Variants in GAS7 observed in about 807,000 individuals in gnomAD.
The protein encoded by GAS7 is growth arrest specific 7.
Under a neutral mutation model 71.1 loss-of-function variants are expected in GAS7, and 28 were observed. The ratio of observed to expected loss-of-function variants is 0.39; its 90% confidence interval spans 0.29 to 0.54. The LOEUF (loss-of-function observed/expected upper bound fraction) is 0.54. Ranked by LOEUF, GAS7 falls within the 20% of genes least tolerant of loss-of-function variation. The pLI is 0.62. For synonymous variants in GAS7, 258 were observed against 245.8 expected (o/e 1.05, Z -0.46); for missense variants, 436 against 627.8 (o/e 0.69, Z 3.27).
At chr17:10,045,326 G>A (rs1173534475) in intron 1 of GAS7, among the ~76,000 whole-genome samples, 2 of 152,230 alleles carry the variant, frequency 1.3e-5, no homozygotes, top group Non-Finnish European at 2.9e-5. Context: ...TGAGGTGACT[G>A]CAGCCAGTTT....
chr17:10,040,936 T>C (rs577631049), intron 1 of GAS7, among the ~76,000 whole-genome samples: 29 of 151,880 alleles, frequency 1.9e-4, no homozygotes, highest in African/African-American at 6.8e-4. Flanking sequence ...CCGAGGCAGG[T>C]GGATGACCTG....
chr17:10,144,475 T>A (rs1026845118), intron 1 of GAS7, among the ~76,000 whole-genome samples: 3 of 152,170 alleles, frequency 2.0e-5, no homozygotes, highest in Non-Finnish European at 2.9e-5. Flanking sequence ...TCTCGGCAGA[T>A]CCCCAGTATC....
In GAS7 at chr17:10,103,800, T is replaced by G; in HGVS notation, c.184-83903A>C. Among the ~76,000 whole-genome samples the G allele has an allele frequency of 6.7e-6, 1 of 148,614 alleles. No homozygotes were observed. Among genetic ancestry groups the G allele is most frequent in the Admixed American group, 6.8e-5 (1 of 14,736 alleles). On this transcript the variant is annotated intron_variant, in intron 1 of 13. Coordinates refer to ENST00000432992, the MANE Select transcript of GAS7 (RefSeq NM_201433.2). This position sits in a 1 kb window ranked among gnomAD's most constrained non-coding sequence, Gnocchi z 5.5. ...AAGATCTCACCATTGCACTCCAGCC[T>G]GGGTGACACAGCAAGACTGCATCTC...
rs573950598 is a variant in GAS7 at position 10,115,418 on chromosome 17, C to T, written c.183+82790G>A. ...GAGGGTGGGGGGCAAAGTGTCACCT[C>T]CTCCCCAACTCAGGAAGTGTTGCAA... On this transcript the variant is annotated intron_variant, in intron 1 of 13. Transcript: ENST00000432992. 8.0e-4 allele frequency among the ~76,000 whole-genome samples: 122 copies of T among 152,312 alleles called. 1 individual carries two copies. Among genetic ancestry groups the T allele is most frequent in the Admixed American group, 1.5e-3 (23 of 15,298 alleles).
At chr17:10,031,773 C>CCT (rs769997409) in intron 1 of GAS7, among the ~76,000 whole-genome samples, 77 of 152,364 alleles carry the variant, frequency 5.1e-4, no homozygotes, top group Non-Finnish European at 8.7e-4. Context: ...GATGGCCCGT[C>CCT]CTTTTCGTTG....
rs1420805985 is a variant in GAS7 at position 9,913,396 on chromosome 17, A to C, written c.*3832T>G. 8.6e-6 allele frequency: 2 copies of C among 232,680 alleles called. No individual in the cohort carries two copies. The highest frequency in any genetic ancestry group is 4.4e-5 in the African/African-American group (2 of 45,300). 14.4% of individuals were successfully genotyped at this position (232,680 alleles called of 1,614,324 possible). Reference sequence around the variant, plus strand: ...CCTGCAGCTGGAAGTAAAATCACCTAAACAAGCCAAGGTCGCTGATGTCCT... The same window carrying C: ...CCTGCAGCTGGAAGTAAAATCACCTCAACAAGCCAAGGTCGCTGATGTCCT... On this transcript the variant is annotated 3_prime_UTR_variant, in exon 14 of 14. Coordinates refer to ENST00000432992, the MANE Select transcript of GAS7 (RefSeq NM_201433.2).
At chr17:10,177,679 T>G (rs1264839478) in intron 1 of GAS7, among the ~76,000 whole-genome samples, 1 of 152,126 alleles carries the variant, frequency 6.6e-6, no homozygotes, top group Non-Finnish European at 1.5e-5. Context: ...TGCATGATTA[T>G]CAATCATGTC....
chr17:10,119,351 AGTGCTCACCGTGGGCCTG>A (rs1307030335), intron 1 of GAS7, among the ~76,000 whole-genome samples: 1 of 152,190 alleles, frequency 6.6e-6, no homozygotes. Context: ...GTAGTTACTG[AGTGCTCACCGTGGGCCTG>A]GCCCAGGCCC....
intron 1 of GAS7, among the ~76,000 whole-genome samples, chr17:10,098,043 C>CAAAAA (rs34381280): frequency 2.3e-4 from 32 of 136,840 alleles, no homozygotes; most frequent in African/African-American, 8.3e-4. Flanking sequence ...GACTCCATCT[C>CAAAAA]AAAAAAAAAA....
At chr17:10,030,314 G>A (rs1478750915) in intron 1 of GAS7, among the ~76,000 whole-genome samples, 1 of 152,232 alleles carries the variant, frequency 6.6e-6, no homozygotes, top group African/African-American at 2.4e-5. Flanking sequence ...AAATCAGTAG[G>A]AACCCAGGGC....
chr17:9,989,726 G>A (rs7215837), intron 2 of GAS7, among the ~76,000 whole-genome samples: 63,262 of 152,090 alleles, frequency 0.42, 14,563 homozygotes, highest in African/African-American at 0.62. Flanking sequence ...GCCTCACCAA[G>A]AAAGGAACAC....
intron 1 of GAS7, among the ~76,000 whole-genome samples, chr17:10,130,847 C>T (rs1221911496): frequency 6.6e-6 from 1 of 152,098 alleles, no homozygotes; most frequent in Non-Finnish European, 1.5e-5. Context: ...CTAAGGAAGG[C>T]GTGGTTGGGG....
chr17:10,003,571 C>T (rs1439057183), intron 2 of GAS7, among the ~76,000 whole-genome samples: 2 of 152,176 alleles, frequency 1.3e-5, no homozygotes, highest in Non-Finnish European at 2.9e-5. Context: ...GCTTGGCTTT[C>T]GACTGACCTC....
intron 7 of GAS7, among the ~76,000 whole-genome samples, chr17:9,941,908 C>T (rs193040502): frequency 1.9e-3 from 283 of 152,240 alleles, no homozygotes; most frequent in African/African-American, 6.5e-3. Context: ...GAAAGGGGTG[C>T]TTCAAAACGC....
Position 10,038,219 on chromosome 17 carries a change from G to A in GAS7, c.184-18322C>T, listed in dbSNP as rs546278501. On this transcript the variant is annotated intron_variant, in intron 1 of 13. Coordinates refer to ENST00000432992, the MANE Select transcript of GAS7 (RefSeq NM_201433.2). ...CTAAAAATACAAAAATTAGCCAGTC[G>A]TGGTGGTGTATACCTGTAGTCCCAG... 1.3e-3 allele frequency among the ~76,000 whole-genome samples: 196 copies of A among 152,230 alleles called. 1 individual carries two copies. The Middle Eastern group carries it at 0.017, about 13-fold the overall frequency.
intron 1 of GAS7, among the ~76,000 whole-genome samples, chr17:10,086,696 C>G (rs1350070023): frequency 1.3e-5 from 2 of 152,222 alleles, no homozygotes; most frequent in East Asian, 3.8e-4. Flanking sequence ...TGAAGGGTGG[C>G]ATGTGGAAGA....
intron 1 of GAS7, among the ~76,000 whole-genome samples, chr17:10,186,402 CT>C (rs71139025): frequency 0.34 from 43,698 of 127,822 alleles, 6,163 homozygotes; most frequent in African/African-American, 0.43. Context: ...TATTCAAAGG[CT>C]TTTTTTTTTT....
intron 2 of GAS7, among the ~76,000 whole-genome samples, chr17:9,985,243 C>T (rs1357366933): frequency 1.3e-5 from 2 of 152,190 alleles, no homozygotes; most frequent in African/African-American, 4.8e-5. Flanking sequence ...GCCCAGCTTT[C>T]GCCGGAGGTC....
intron 1 of GAS7, among the ~76,000 whole-genome samples, chr17:10,196,800 G>A (rs998348519): frequency 3.9e-5 from 6 of 152,124 alleles, no homozygotes; most frequent in African/African-American, 1.2e-4. Flanking sequence ...AAACAAGGAG[G>A]CCCCTTGCTT....
Sources: allele counts gnomAD v4.1 joint callset (sites outside exome capture counted in the v4.1 genomes callset), GRCh38; gene constraint gnomAD v4.1.1; non-coding constraint Gnocchi (gnomAD v3.1); transcripts MANE v1.5; gene names NCBI Gene and HGNC (gene_info 2026-07-23, HGNC 2026-07-21).